Variants in CNTN4 observed in about 807,000 individuals in gnomAD.
The protein encoded by CNTN4 is contactin-4.
Under a neutral mutation model 122.5 loss-of-function variants are expected in CNTN4, and 77 were observed. The observed-to-expected ratio is 0.63, with a 90% CI of 0.52 to 0.76. CNTN4 has a LOEUF of 0.76. CNTN4 is among the 30% of genes least tolerant of loss of function. The probability of loss-of-function intolerance (pLI) is 0.00; values close to 1 mark genes in which losing one functional copy is unlikely to be tolerated. For synonymous variants in CNTN4, 512 were observed against 447.0 expected (o/e 1.15, Z -1.83); for missense variants, 1,256 against 1,259.1 (o/e 1.00, Z 0.04).
chr3:2,159,493 T>C (rs150654484), intron 2 of CNTN4, among the ~76,000 whole-genome samples: 1,963 of 152,270 alleles, frequency 0.013, 48 homozygotes, highest in African/African-American at 0.045. Flanking sequence ...TCTCTGAGCA[T>C]TGGGAAAGGA....
intron 2 of CNTN4, among the ~76,000 whole-genome samples, chr3:2,314,048 T>C (rs1192211026): frequency 1.3e-5 from 2 of 152,056 alleles, no homozygotes; most frequent in East Asian, 3.8e-4. Flanking sequence ...GTACTGTTTT[T>C]ATTTAATTTC....
intron 2 of CNTN4, among the ~76,000 whole-genome samples, chr3:2,167,735 T>C (rs1408075170): frequency 2.0e-5 from 3 of 152,202 alleles, no homozygotes; most frequent in Non-Finnish European, 4.4e-5. Flanking sequence ...AATGAAAACA[T>C]TCGAACAAAA....
chr3:2,212,241 CTG>C (rs2038653734), intron 2 of CNTN4, among the ~76,000 whole-genome samples: 1 of 152,240 alleles, frequency 6.6e-6, no homozygotes, highest in East Asian at 1.9e-4. Flanking sequence ...TCCCAAAGTG[CTG>C]TGATTACAGG....
At chr3:2,418,594 C>G (rs747678269) in intron 3 of CNTN4, among the ~76,000 whole-genome samples, 5 of 152,056 alleles carry the variant, frequency 3.3e-5, no homozygotes, top group Admixed American at 2.6e-4. Context: ...GATTGCATTT[C>G]TTTATTTAAT....
intron 14 of CNTN4, among the ~76,000 whole-genome samples, chr3:2,998,455 G>A (rs1216699279): frequency 6.6e-6 from 1 of 152,090 alleles, no homozygotes; most frequent in Non-Finnish European, 1.5e-5. Context: ...TTTTCAACAA[G>A]TTCTTCAGGG....
At chr3:2,950,520 T>G (rs2094728915) in intron 13 of CNTN4, among the ~76,000 whole-genome samples, 1 of 152,138 alleles carries the variant, frequency 6.6e-6, no homozygotes, top group Non-Finnish European at 1.5e-5. Flanking sequence ...CCAGATGAGG[T>G]TATTTGCTTA....
At chr3:2,472,049 C>T (rs2075701043) in intron 3 of CNTN4, among the ~76,000 whole-genome samples, 1 of 151,576 alleles carries the variant, frequency 6.6e-6, no homozygotes, top group South Asian at 2.1e-4. Flanking sequence ...AACCCCATCT[C>T]TACTAAAAAT....
intron 4 of CNTN4, among the ~76,000 whole-genome samples, chr3:2,638,687 A>G (rs1455605016): frequency 6.6e-6 from 1 of 152,232 alleles, no homozygotes; most frequent in Non-Finnish European, 1.5e-5. Flanking sequence ...TGTGATGACT[A>G]ACAGGCATCT....
chr3:2,686,381 C>T (rs1237737571), intron 4 of CNTN4, among the ~76,000 whole-genome samples: 1 of 152,104 alleles, frequency 6.6e-6, no homozygotes, highest in Non-Finnish European at 1.5e-5. Flanking sequence ...GCAGTGACCA[C>T]GTCACCCACT....
chr3:2,557,350 AAT>A (rs2078761241), intron 3 of CNTN4, among the ~76,000 whole-genome samples: 1 of 152,224 alleles, frequency 6.6e-6, no homozygotes, highest in Non-Finnish European at 1.5e-5. Flanking sequence ...GCTAGTAGTA[AAT>A]AAGAAATTTA....
intron 3 of CNTN4, among the ~76,000 whole-genome samples, chr3:2,363,533 T>C (rs1178259442): frequency 1.3e-5 from 2 of 152,208 alleles, no homozygotes; most frequent in Non-Finnish European, 2.9e-5. Context: ...ATAACAACCA[T>C]GTGAGGTAGA....
chr3:2,925,885 A>G, intron 13 of CNTN4, 106 bp downstream of exon 13: 1 of 936,580 alleles, frequency 1.1e-6, no homozygotes, highest in South Asian at 1.4e-5. Context: ...CTGTTCCTGA[A>G]CTAAGTGTTA....
intron 3 of CNTN4, among the ~76,000 whole-genome samples, chr3:2,368,029 C>CTT (rs549023861): frequency 0.018 from 1,990 of 109,768 alleles, 100 homozygotes; most frequent in African/African-American, 0.069. Context: ...TAGAAAACTT[C>CTT]TTTTTTTTTT....
chr3:3,041,720 G>A (rs942842036), intron 20 of CNTN4, among the ~76,000 whole-genome samples: 5 of 152,196 alleles, frequency 3.3e-5, no homozygotes, highest in Non-Finnish European at 5.9e-5. Context: ...CCAGCACTTT[G>A]GGAGGGGGAT....
Position 2,883,223 on chromosome 3 carries a change from A to G in CNTN4, c.731A>G (p.Lys244Arg), listed in dbSNP as rs1267951898. ...CCGACTGCAAAAGGAGCAACGGTGA[A>G]GCTGGAATGCTTTGCTTTAGGAAAG... ...TVPTAKGATV[K>R]LECFALGNPV... The change falls in exon 9 of 25, where the codon AAG (lysine) becomes AGG (arginine). Residue 244 changes from lysine (K) to arginine (R), a missense_variant. By Grantham distance (26) the Lys-to-Arg change is conservative (BLOSUM62 2). Coordinates refer to ENST00000418658, the MANE Select transcript of CNTN4 (RefSeq NM_175607.3). 2 of 1,613,734 alleles carry G rather than the reference A, an allele frequency of 1.2e-6. No homozygotes were observed. The highest frequency in any genetic ancestry group is 1.3e-5 in the African/African-American group (1 of 75,038).
At chr3:2,593,341 A>G (rs1454665620) in intron 4 of CNTN4, among the ~76,000 whole-genome samples, 3 of 152,206 alleles carry the variant, frequency 2.0e-5, no homozygotes, top group African/African-American at 4.8e-5. Context: ...CACCTACTAA[A>G]TGAATCTACC....
At chr3:2,221,037 A>T (rs950582443) in intron 2 of CNTN4, among the ~76,000 whole-genome samples, 5 of 152,104 alleles carry the variant, frequency 3.3e-5, no homozygotes, top group African/African-American at 1.2e-4. Context: ...TGCTTGAGTG[A>T]TTCTACCTTG....
At chr3:3,043,755 C>A in intron 23 of CNTN4, 51 bp downstream of exon 23, 1 of 1,114,028 alleles carries the variant, frequency 9.0e-7, no homozygotes, top group Non-Finnish European at 1.4e-6. Context: ...TGAGTGGGGG[C>A]AGTCTCCTCC....
At chr3:2,150,278 T>C (rs1295720497) in intron 2 of CNTN4, among the ~76,000 whole-genome samples, 1 of 152,226 alleles carries the variant, frequency 6.6e-6, no homozygotes, top group East Asian at 1.9e-4. Flanking sequence ...AAAGCATCTA[T>C]AACAGTGTTT....
Sources: allele counts gnomAD v4.1 joint callset (sites outside exome capture counted in the v4.1 genomes callset), GRCh38; gene constraint gnomAD v4.1.1; transcripts MANE v1.5; gene names NCBI Gene and HGNC (gene_info 2026-07-23, HGNC 2026-07-21).